Variants in FBXL2 observed in about 807,000 individuals in gnomAD.
The protein encoded by FBXL2 is F-box and leucine rich repeat protein 2, also known as F-box/LRR-repeat protein 2.
FBXL2 carries 38 observed loss-of-function variants against 69.2 expected under a neutral mutation model. The observed-to-expected ratio is 0.55, with a 90% CI of 0.42 to 0.72. The LOEUF is 0.72. Among genes scored for constraint, FBXL2 ranks in the 30% least tolerant of loss-of-function variants. The probability of loss-of-function intolerance (pLI) is 0.00; values close to 1 mark genes in which losing one functional copy is unlikely to be tolerated. For missense variants in FBXL2, 354 were observed against 520.3 expected, an observed-to-expected ratio of 0.68 and a Z score of 3.11; for synonymous variants, 192 against 201.3, an observed-to-expected ratio of 0.95 and a Z score of 0.39.
At chr3:33,318,858 A>G (rs1477806626) in intron 2 of FBXL2, among the ~76,000 whole-genome samples, 1 of 152,220 alleles carries the variant, frequency 6.6e-6, no homozygotes, top group Non-Finnish European at 1.5e-5. Context: ...GTCTTCAACC[A>G]TGGCTTCCAT....
intron 12 of FBXL2, chr3:33,401,011 G>A: frequency 6.3e-7 from 1 of 1,591,510 alleles, no homozygotes; most frequent in Non-Finnish European, 8.5e-7. Flanking sequence ...TGGGGAAGAA[G>A]AATTGCTGGG....
chr3:33,408,132 C>T (rs2044476734), downstream of FBXL2, among the ~76,000 whole-genome samples: 1 of 151,682 alleles, frequency 6.6e-6, no homozygotes, highest in South Asian at 2.1e-4. Context: ...TTTTTTTCTA[C>T]CAGTGCTGCC....
intron 5 of FBXL2, among the ~76,000 whole-genome samples, chr3:33,367,064 T>TG (rs900574607): frequency 1.3e-5 from 2 of 152,184 alleles, no homozygotes; most frequent in Non-Finnish European, 2.9e-5. Flanking sequence ...CATGTTTTTT[T>TG]GGGGGAAGGT....
At chr3:33,339,520 A>G (rs1413533141) in intron 2 of FBXL2, among the ~76,000 whole-genome samples, 1 of 152,212 alleles carries the variant, frequency 6.6e-6, no homozygotes, top group East Asian at 1.9e-4. Flanking sequence ...GGACACAGAA[A>G]AGGAAACAGG....
At position 33,297,644 on chromosome 3, in the gene FBXL2, CTTT is replaced by C. The variant is rs374976671; in HGVS notation, c.4-11_4-9del. 7.9e-6 allele frequency: 9 copies of C among 1,136,534 alleles called. No homozygotes were observed. The highest frequency in any genetic ancestry group is 2.5e-5 in the Admixed American group (1 of 40,080). The allele number at this position is 1,136,534 out of a possible 1,614,324, so 70.4% of individuals were successfully genotyped here. A position where few individuals can be genotyped will look rare whatever the true frequency, so the allele number is the denominator to read the frequency against. ...GATTAAAGAACATTTTCACAATTTC[CTTT>C]TTTTTTTTCTTTCCAGGTTTTCTCA... On this transcript the variant is annotated splice_polypyrimidine_tract_variant and intron_variant, in intron 1 of 14. Transcript: ENST00000484457.
At chr3:33,373,993 C>G (rs2042469976) in intron 9 of FBXL2, 72 bp downstream of exon 9, 7 of 1,432,430 alleles carry the variant, frequency 4.9e-6, no homozygotes, top group Non-Finnish European at 5.9e-6. Flanking sequence ...TCAGGCCTCC[C>G]TGCAGCCCCC....
intron 1 of FBXL2, among the ~76,000 whole-genome samples, chr3:33,284,354 C>T (rs2034371822): frequency 6.6e-6 from 1 of 150,824 alleles, no homozygotes; most frequent in Middle Eastern, 3.4e-3. Flanking sequence ...ATGTAGAGCA[C>T]TTTTGAGTGA....
intron 2 of FBXL2, among the ~76,000 whole-genome samples, chr3:33,306,219 G>A (rs1043490668): frequency 7.2e-5 from 11 of 151,894 alleles, no homozygotes; most frequent in African/African-American, 2.2e-4. Context: ...TATTTATCAC[G>A]TACCGCTTTT....
intron 5 of FBXL2, among the ~76,000 whole-genome samples, chr3:33,370,275 G>A (rs1248768608): frequency 2.0e-5 from 3 of 151,874 alleles, no homozygotes; most frequent in South Asian, 4.2e-4. Context: ...AAAATTAGCC[G>A]GGCGTGATGG....
chr3:33,407,372 G>T (rs1169994088), downstream of FBXL2, among the ~76,000 whole-genome samples: 1 of 152,056 alleles, frequency 6.6e-6, no homozygotes, highest in Admixed American at 6.6e-5. Flanking sequence ...TAGTTAAATG[G>T]TTTATAACAG....
intron 2 of FBXL2, among the ~76,000 whole-genome samples, chr3:33,325,189 G>A (rs1427469785): frequency 6.6e-6 from 1 of 152,070 alleles, no homozygotes. Flanking sequence ...AGGAGATTTT[G>A]GGCTGAGATG....
chr3:33,364,705 G>A lies in FBXL2; in HGVS notation c.276G>A (p.Gly92=). 6.2e-7 allele frequency: 1 copy of A among 1,613,946 alleles called. No homozygotes were observed. The highest frequency in any genetic ancestry group is 8.5e-7 in the Non-Finnish European group (1 of 1,179,866). The part of the protein sequence containing the change: ...KLSLRGCIGV[G]DSSLKTFAQN... The stretch of plus-strand genomic sequence containing the variant: ...GCTTGCGAGGCTGCATTGGTGTTGG[G>A]GATTCCTCCTTGAAGTAAGTCAAAT... Residue 92 remains glycine, a synonymous_variant, in exon 5 of 15, where the codon GGG becomes GGA. Transcript: ENST00000484457.
At chr3:33,333,285 C>T (rs1431884176) in intron 2 of FBXL2, among the ~76,000 whole-genome samples, 4 of 151,864 alleles carry the variant, frequency 2.6e-5, no homozygotes, top group Non-Finnish European at 5.9e-5. Flanking sequence ...ATAACTATGT[C>T]GAGGATTTGA....
chr3:33,297,749 G>C, intron 2 of FBXL2, 24 bp downstream of exon 2: 1 of 1,328,568 alleles, frequency 7.5e-7, no homozygotes, highest in Non-Finnish European at 1.1e-6. Flanking sequence ...AATTCTGGAT[G>C]AAGAGTTTAG....
At chr3:33,420,894 G>A in the FBXL2 span, among the ~76,000 whole-genome samples, 1 of 152,180 alleles carries the variant, frequency 6.6e-6, no homozygotes, top group Non-Finnish European at 1.5e-5. Context: ...AAAATGCTGG[G>A]ATTACAGGTG....
chr3:33,419,223 A>T, the FBXL2 span, among the ~76,000 whole-genome samples: 1 of 152,054 alleles, frequency 6.6e-6, no homozygotes, highest in African/African-American at 2.4e-5. Context: ...GGCCAAGTGG[A>T]GTGGCTCACA....
intron 2 of FBXL2, among the ~76,000 whole-genome samples, chr3:33,342,258 G>C (rs1455383943): frequency 6.6e-6 from 1 of 151,582 alleles, no homozygotes; most frequent in African/African-American, 2.4e-5. Flanking sequence ...TCCCGCCTCA[G>C]CCTCCCAAAG....
intron 2 of FBXL2, among the ~76,000 whole-genome samples, chr3:33,299,953 G>T (rs182454703): frequency 4.6e-5 from 7 of 152,282 alleles, no homozygotes; most frequent in African/African-American, 1.4e-4. Flanking sequence ...CAACTGCACG[G>T]ATGCCATCCA....
At chr3:33,333,013 A>G (rs1054471129) in intron 2 of FBXL2, among the ~76,000 whole-genome samples, 5 of 152,214 alleles carry the variant, frequency 3.3e-5, no homozygotes, top group African/African-American at 1.2e-4. Flanking sequence ...CATATTGCCT[A>G]ATTACATTTA....
Sources: allele counts gnomAD v4.1 joint callset (sites outside exome capture counted in the v4.1 genomes callset), GRCh38; gene constraint gnomAD v4.1.1; transcripts MANE v1.5; gene names NCBI Gene and HGNC (gene_info 2026-07-23, HGNC 2026-07-21).